SUN3: variants seen among roughly 807,000 people sequenced by gnomAD.
The protein encoded by SUN3 is SUN domain-containing protein 3.
In SUN3, 36 loss-of-function variants were observed where a neutral mutation model predicts 48.2. The ratio of observed to expected loss-of-function variants is 0.75; its 90% CI spans 0.57 to 0.99. The LOEUF is 0.99. Among genes scored for constraint, SUN3 ranks in the 50% least tolerant of loss-of-function variants. SUN3 has a pLI of 0.00. For synonymous variants in SUN3, 148 were observed against 147.9 expected (o/e 1.00, Z 0.00); for missense variants, 419 against 433.1 (o/e 0.97, Z 0.29).
In SUN3 at chr7:48,025,891, G is replaced by T; in HGVS notation, c.170C>A (p.Thr57Asn). Residue 57 changes from threonine (T) to asparagine (N), a missense_variant, in exon 2 of 10, where the codon ACT becomes AAT. Transcript: ENST00000297325. Reference sequence around the variant, plus strand: ...GGAAGACTTACCTACAAGAAGAAAAGTCAGTGTAAGCATTGTACTTAGAAT... The same window carrying T: ...GGAAGACTTACCTACAAGAAGAAAATTCAGTGTAAGCATTGTACTTAGAAT... ...KIILSTMLTLTFLLVGLLNHQ... is the reference protein window; with the variant it reads ...KIILSTMLTLNFLLVGLLNHQ... 1 of 1,601,592 alleles carries T rather than the reference G, an allele frequency of 6.2e-7. No homozygotes were observed. Among genetic ancestry groups the T allele is most frequent in the Non-Finnish European group, 8.5e-7 (1 of 1,171,364 alleles).
At chr7:48,019,977 CAAAAAAA>C (rs869166401) in intron 2 of SUN3, among the ~76,000 whole-genome samples, 7,331 of 64,300 alleles carry the variant, frequency 0.11, 609 homozygotes, top group African/African-American at 0.29. Context: ...AAAGACACAT[CAAAAAAA>C]AAAAAAAAAA....
chr7:48,017,212 A>G (rs754983981), intron 3 of SUN3, 50 bp downstream of exon 3: 3 of 915,748 alleles, frequency 3.3e-6, no homozygotes, highest in Non-Finnish European at 5.2e-6. Flanking sequence ...GCCTTGTAGC[A>G]TATTAAACTT....
chr7:48,023,504 GA>G (rs1790056362), intron 2 of SUN3, among the ~76,000 whole-genome samples: 1 of 151,992 alleles, frequency 6.6e-6, no homozygotes, highest in Non-Finnish European at 1.5e-5. Flanking sequence ...AGGCAGTAAA[GA>G]AGGAAATGAA....
chr7:48,028,777 C>A, intron 1 of SUN3, 40 bp downstream of exon 1: 1 of 1,604,652 alleles, frequency 6.2e-7, no homozygotes, highest in Non-Finnish European at 8.5e-7. Flanking sequence ...ACACATAAAA[C>A]CTACAATTTC....
chr7:48,033,515 T>A (rs1463375404), upstream of SUN3, among the ~76,000 whole-genome samples: 2 of 152,112 alleles, frequency 1.3e-5, no homozygotes, highest in African/African-American at 4.8e-5. Flanking sequence ...TGAGCCATGA[T>A]CACACTAATG....
intron 8 of SUN3, among the ~76,000 whole-genome samples, chr7:47,993,386 C>CA (rs1789119269): frequency 6.6e-6 from 1 of 150,970 alleles, no homozygotes; most frequent in Non-Finnish European, 1.5e-5. Flanking sequence ...ACATAATGAC[C>CA]AAAAAAATGA....
In SUN3 at chr7:48,017,376, A is replaced by C; in HGVS notation, c.185-11T>G. 2 of 1,459,702 alleles carry C rather than the reference A, an allele frequency of 1.4e-6. No individual in the cohort carries two copies. The highest frequency in any genetic ancestry group is 9.5e-7 in the Non-Finnish European group (1 of 1,050,358). 90.4% of individuals were successfully genotyped at this position (1,459,702 alleles called of 1,614,324 possible). A position where few individuals can be genotyped will look rare whatever the true frequency, so the allele number is the denominator to read the frequency against. On this transcript the variant is annotated splice_polypyrimidine_tract_variant and intron_variant, in intron 2 of 9. Transcript: ENST00000297325. ...GATGATTTAGGAGTCCTGTTAAAGA[A>C]AAGACAAACTTTGATTAAAGAGTTT... is the stretch of plus-strand genomic sequence containing the variant.
At chr7:48,028,735 T>G in intron 1 of SUN3, 82 bp downstream of exon 1, 3 of 1,542,648 alleles carry the variant, frequency 1.9e-6, no homozygotes, top group Non-Finnish European at 2.6e-6. Flanking sequence ...GGGTAACAGG[T>G]AACAGATGAA....
In SUN3 at chr7:47,987,216, T is replaced by G; in HGVS notation, c.*114A>C. ...TTTTTACAGGCAAGTATGAACCACT[T>G]TGAGGTTTTCTTCCCACTCCCAATT... On this transcript the variant is annotated 3_prime_UTR_variant, in exon 10 of 10. Coordinates refer to ENST00000297325, the MANE Select transcript of SUN3 (RefSeq NM_001030019.2). The G allele has an allele frequency of 8.9e-7, 1 of 1,126,586 alleles. No homozygotes were observed. Among genetic ancestry groups the G allele is most frequent in the Non-Finnish European group, 1.2e-6 (1 of 830,606 alleles). The allele number at this position is 1,126,586 out of a possible 1,614,324, so 69.8% of individuals were successfully genotyped here.
chr7:48,014,766 G>T (rs938471317), intron 3 of SUN3, among the ~76,000 whole-genome samples: 8 of 152,194 alleles, frequency 5.3e-5, no homozygotes, highest in Admixed American at 5.2e-4. Context: ...TATATAGAGA[G>T]AGATTTATTT....
intron 4 of SUN3, 44 bp downstream of exon 4, chr7:48,008,991 G>T: frequency 1.3e-6 from 2 of 1,587,694 alleles, no homozygotes; most frequent in South Asian, 1.2e-5. Flanking sequence ...TTCAGTATTT[G>T]AAACCACACC....
chr7:47,994,795 T>TGTG (rs3833685), intron 7 of SUN3, among the ~76,000 whole-genome samples: 64,521 of 151,740 alleles, frequency 0.43, 13,915 homozygotes, highest in Middle Eastern at 0.54. Context: ...TGGTGACCAT[T>TGTG]GTGATCATTG....
intron 3 of SUN3, among the ~76,000 whole-genome samples, chr7:48,014,691 C>T (rs539012516): frequency 7.0e-4 from 107 of 152,190 alleles, no homozygotes; most frequent in Non-Finnish European, 1.3e-3. Context: ...CTAACAGAAC[C>T]TGCCAGATAA....
chr7:48,019,231 G>GGA (rs149806666), intron 2 of SUN3, among the ~76,000 whole-genome samples: 1 of 151,850 alleles, frequency 6.6e-6, no homozygotes. Flanking sequence ...CTCAGAAAGA[G>GGA]GAGAGAGAGA....
chr7:48,008,312 T>C (rs1371022572), intron 4 of SUN3, among the ~76,000 whole-genome samples: 1 of 152,242 alleles, frequency 6.6e-6, no homozygotes, highest in Non-Finnish European at 1.5e-5. Context: ...ATAAACACTG[T>C]TAAATTTTAA....
At chr7:48,006,935 A>G (rs1357169785) in intron 5 of SUN3, among the ~76,000 whole-genome samples, 1 of 152,158 alleles carries the variant, frequency 6.6e-6, no homozygotes, top group African/African-American at 2.4e-5. Context: ...TAGAACAGTT[A>G]TTTATTTTGG....
intron 2 of SUN3, among the ~76,000 whole-genome samples, chr7:48,022,412 A>C (rs1790025541): frequency 6.6e-6 from 1 of 152,084 alleles, no homozygotes; most frequent in Non-Finnish European, 1.5e-5. Context: ...AATAACTAAA[A>C]GATTGTATTT....
intron 6 of SUN3, among the ~76,000 whole-genome samples, chr7:48,002,742 C>T (rs528073022): frequency 4.1e-4 from 62 of 152,256 alleles, no homozygotes; most frequent in Non-Finnish European, 7.5e-4. Flanking sequence ...AATTAGATCC[C>T]GTTTGCCAAT....
chr7:47,987,266 A>G lies in SUN3; in HGVS notation c.*64T>C. 1 of 1,560,356 alleles carries G rather than the reference A, an allele frequency of 6.4e-7. No homozygotes were observed. Among genetic ancestry groups the G allele is most frequent in the Non-Finnish European group, 8.7e-7 (1 of 1,151,504 alleles). The stretch of plus-strand genomic sequence containing the variant: ...TCTCAATTCCTATGGGTGCGGTATC[A>G]TCTAAGAGAATAAGCATTCTTGAAT... On this transcript the variant is annotated 3_prime_UTR_variant, in exon 10 of 10. Coordinates refer to ENST00000297325, the MANE Select transcript of SUN3 (RefSeq NM_001030019.2).
Sources: gnomAD v4.1 joint callset for allele counts (sites outside exome capture counted in the v4.1 genomes callset) on GRCh38, gnomAD v4.1.1 for gene constraint, MANE v1.5 for transcripts, NCBI Gene and HGNC (gene_info 2026-07-23, HGNC 2026-07-21) for gene names.